Variants in SPOPL observed in about 807,000 individuals in gnomAD.
SPOPL encodes speckle type BTB/POZ protein like, also known as speckle-type POZ protein-like.
A neutral mutation model predicts 53.8 loss-of-function variants in SPOPL; 23 were observed. The ratio of observed to expected loss-of-function variants is 0.43; its 90% CI spans 0.31 to 0.61. The LOEUF (loss-of-function observed/expected upper bound fraction) is 0.61. Among genes scored for constraint, SPOPL ranks in the 20% least tolerant of loss-of-function variants. SPOPL has a pLI of 0.12. For missense variants in SPOPL, 442 were observed against 466.9 expected, an observed-to-expected ratio of 0.95 and a Z score of 0.49; for synonymous variants, 164 against 149.7, an observed-to-expected ratio of 1.10 and a Z score of -0.70.
chr2:138,566,712 C>G (rs538630457), intron 10 of SPOPL, among the ~76,000 whole-genome samples: 40 of 152,218 alleles, frequency 2.6e-4, no homozygotes, highest in African/African-American at 8.9e-4. Context: ...TTCTGTGTTT[C>G]AAGTACAATG....
chr2:138,548,962 A>G (rs1685255776), intron 1 of SPOPL, among the ~76,000 whole-genome samples: 1 of 152,150 alleles, frequency 6.6e-6, no homozygotes, highest in African/African-American at 2.4e-5. Context: ...GTAGAAAACA[A>G]TAGTGGTCTG....
At chr2:138,532,549 C>T (rs1684834672) in intron 1 of SPOPL, among the ~76,000 whole-genome samples, 1 of 150,234 alleles carries the variant, frequency 6.7e-6, no homozygotes, top group Admixed American at 6.6e-5. Context: ...GCATCAGCCT[C>T]CCGAGTAGCT....
intron 1 of SPOPL, among the ~76,000 whole-genome samples, chr2:138,529,284 T>C (rs1018919838): frequency 6.6e-6 from 1 of 152,168 alleles, no homozygotes; most frequent in Non-Finnish European, 1.5e-5. Context: ...AGTAGAGCTC[T>C]TTGCATAATT....
rs1000310097 is a variant in SPOPL, at chr2:138,571,555, G to T, written c.*2475G>T. 1 of 152,338 alleles carries T rather than the reference G, an allele frequency of 6.6e-6. No homozygotes were observed. Among genetic ancestry groups the T allele is most frequent in the Non-Finnish European group, 1.5e-5 (1 of 67,968 alleles). 9.4% of individuals were successfully genotyped at this position (152,338 alleles called of 1,614,324 possible). A position where few individuals can be genotyped will look rare whatever the true frequency, so the allele number is the denominator to read the frequency against. On this transcript the variant is annotated 3_prime_UTR_variant, in exon 11 of 11. Coordinates refer to ENST00000280098, the MANE Select transcript of SPOPL (RefSeq NM_001001664.3). The stretch of plus-strand genomic sequence containing the variant: ...GTTGATTTATTTTTTTATTTATTAT[G>T]TATATTTTTGGTATTGTGGGTTCTT...
intron 8 of SPOPL, among the ~76,000 whole-genome samples, chr2:138,563,878 C>G (rs897557528): frequency 1.3e-5 from 2 of 152,100 alleles, no homozygotes; most frequent in African/African-American, 2.4e-5. Flanking sequence ...TATTCATCAG[C>G]AGTTGAATGT....
At chr2:138,505,806 G>T (rs1162733182) in intron 1 of SPOPL, among the ~76,000 whole-genome samples, 1 of 151,884 alleles carries the variant, frequency 6.6e-6, no homozygotes, top group African/African-American at 2.4e-5. Flanking sequence ...TACCATTACT[G>T]CTACAAAGGA....
At chr2:138,541,113 C>A (rs113828903) in intron 1 of SPOPL, among the ~76,000 whole-genome samples, 1,657 of 152,100 alleles carry the variant, frequency 0.011, 35 homozygotes, top group African/African-American at 0.038. Flanking sequence ...ATCATGGATA[C>A]GCTTCTTGAT....
intron 1 of SPOPL, among the ~76,000 whole-genome samples, chr2:138,533,646 C>T (rs1320739912): frequency 6.6e-6 from 1 of 151,932 alleles, no homozygotes; most frequent in Non-Finnish European, 1.5e-5. Context: ...TAATTATTCT[C>T]CCTGGTACAG....
intron 1 of SPOPL, among the ~76,000 whole-genome samples, chr2:138,532,686 C>T (rs1458704820): frequency 6.7e-6 from 1 of 149,346 alleles, no homozygotes; most frequent in East Asian, 2.0e-4. Flanking sequence ...TCGTGATCTG[C>T]CCGCCTCGGC....
chr2:138,517,942 C>T lies in SPOPL; in HGVS notation c.-61+15823C>T, dbSNP rs61219171. On this transcript the variant is annotated intron_variant, in intron 1 of 10. Coordinates refer to ENST00000280098, the MANE Select transcript of SPOPL (RefSeq NM_001001664.3). ...GCACACCTGTAATCCCAGCAACTTG[C>T]AGGGCTGAGGCAGGACAATCACTTG... is the stretch of plus-strand genomic sequence containing the variant. Among the ~76,000 whole-genome samples the T allele has an allele frequency of 9.8e-3, 1,421 of 145,586 alleles. 27 individuals carry two copies. Among genetic ancestry groups the T allele is most frequent in the African/African-American group, 0.034 (1,347 of 39,300 alleles).
intron 1 of SPOPL, among the ~76,000 whole-genome samples, chr2:138,522,059 G>A (rs930118640): frequency 1.3e-5 from 2 of 152,158 alleles, no homozygotes; most frequent in Non-Finnish European, 2.9e-5. Flanking sequence ...TTGGGAAGCT[G>A]ACCCGGACCC....
rs185836807 is a variant in SPOPL at position 138,523,639 on chromosome 2, G to T, written c.-61+21520G>T. Among the ~76,000 whole-genome samples, 521 of 152,290 alleles carry T rather than the reference G, an allele frequency of 3.4e-3. 4 individuals are homozygous for T. Among genetic ancestry groups the T allele is most frequent in the Admixed American group, 0.025 (376 of 15,296 alleles). On this transcript the variant is annotated intron_variant, in intron 1 of 10. Transcript: ENST00000280098. Reference sequence around the variant, plus strand: ...GGGGTACAGGCATTGGGTAAATATAGCTGTTCCAAATGGGAGAAATTGGCC... The same window carrying T: ...GGGGTACAGGCATTGGGTAAATATATCTGTTCCAAATGGGAGAAATTGGCC...
At chr2:138,562,050 T>A (rs1685561676) in intron 8 of SPOPL, among the ~76,000 whole-genome samples, 3 of 152,118 alleles carry the variant, frequency 2.0e-5, no homozygotes. Context: ...AAGACTTAAA[T>A]AAGTACATAA....
intron 1 of SPOPL, among the ~76,000 whole-genome samples, chr2:138,529,997 T>C (rs1420034858): frequency 1.3e-5 from 2 of 152,104 alleles, no homozygotes; most frequent in African/African-American, 4.8e-5. Context: ...AATAGGCCCC[T>C]GTGTATGTTG....
At chr2:138,528,887 G>A (rs1684734845) in intron 1 of SPOPL, among the ~76,000 whole-genome samples, 1 of 152,114 alleles carries the variant, frequency 6.6e-6, no homozygotes, top group Non-Finnish European at 1.5e-5. Flanking sequence ...CTATAATATT[G>A]ATAGAGGCAG....
At chr2:138,544,234 G>C (rs1382297337) in intron 1 of SPOPL, among the ~76,000 whole-genome samples, 5 of 152,190 alleles carry the variant, frequency 3.3e-5, no homozygotes, top group African/African-American at 1.2e-4. Flanking sequence ...GCTGCGTGCT[G>C]GGAGAACCAC....
chr2:138,529,491 C>T (rs901874624), intron 1 of SPOPL, among the ~76,000 whole-genome samples: 18 of 130,924 alleles, frequency 1.4e-4, no homozygotes, highest in African/African-American at 3.9e-4. Flanking sequence ...TGTGTGTATG[C>T]ATGTGCCTGT....
At position 138,544,913 on chromosome 2, in the gene SPOPL, G is replaced by A. The variant is rs1049413343; in HGVS notation, c.-60-5244G>A. 2.6e-5 allele frequency among the ~76,000 whole-genome samples: 4 copies of A among 152,092 alleles called. 1 individual carries two copies. The highest frequency in any genetic ancestry group is 2.6e-4 in the Admixed American group (4 of 15,274). Reference sequence around the variant, plus strand: ...GTTTTCAAGCATGTGTTTGCCCCTGGGCATACCCATAGCTTTCTAGATTTC... The same window carrying A: ...GTTTTCAAGCATGTGTTTGCCCCTGAGCATACCCATAGCTTTCTAGATTTC... On this transcript the variant is annotated intron_variant, in intron 1 of 10. Coordinates refer to ENST00000280098, the MANE Select transcript of SPOPL (RefSeq NM_001001664.3).
Position 138,569,672 on chromosome 2 carries a change from T to C in SPOPL, c.*592T>C, listed in dbSNP as rs1685740493. ...CAAATATGCAATGAGTTGGCCTAGA[T>C]TTTTAGTGACATTTATGATGTTTGT... On this transcript the variant is annotated 3_prime_UTR_variant, in exon 11 of 11. Coordinates refer to ENST00000280098, the MANE Select transcript of SPOPL (RefSeq NM_001001664.3). 1 of 152,204 alleles carries C rather than the reference T, an allele frequency of 6.6e-6. No individual in the cohort carries two copies. Among genetic ancestry groups the C allele is most frequent in the African/African-American group, 2.4e-5 (1 of 41,432 alleles). The allele number at this position is 152,204 out of a possible 1,614,324, so 9.4% of individuals were successfully genotyped here.
Sources: gnomAD v4.1 joint callset for allele counts (sites outside exome capture counted in the v4.1 genomes callset) on GRCh38, gnomAD v4.1.1 for gene constraint, MANE v1.5 for transcripts, NCBI Gene and HGNC (gene_info 2026-07-23, HGNC 2026-07-21) for gene names.